MTMR10: variants seen among roughly 807,000 people sequenced by gnomAD.
MTMR10 encodes the protein myotubularin-related protein 10.
In MTMR10, 56 loss-of-function variants were observed where a neutral mutation model predicts 88.1. That is an observed-to-expected ratio of 0.64 (90% CI 0.51 to 0.79). The LOEUF is 0.79. MTMR10 is among the 30% of genes least tolerant of loss of function. MTMR10 has a pLI of 0.00. For missense variants in MTMR10, 883 were observed against 924.7 expected, an observed-to-expected ratio of 0.95 and a Z score of 0.58; for synonymous variants, 380 against 340.9, an observed-to-expected ratio of 1.11 and a Z score of -1.26.
intron 2 of MTMR10, among the ~76,000 whole-genome samples, chr15:30,978,836 TA>T (rs2030349155): frequency 6.6e-6 from 1 of 152,118 alleles, no homozygotes; most frequent in Admixed American, 6.5e-5. Context: ...TACCAAAACT[TA>T]TTAAAGTTCA....
At chr15:30,972,433 CT>C (rs1413227964) in intron 5 of MTMR10, among the ~76,000 whole-genome samples, 6 of 152,000 alleles carry the variant, frequency 3.9e-5, no homozygotes, top group Non-Finnish European at 7.4e-5. Flanking sequence ...GACTCACATG[CT>C]TTTTATATTT....
Position 30,939,463 on chromosome 15 carries a change from C to T in MTMR10, c.*2007G>A. On this transcript the variant is annotated 3_prime_UTR_variant, in exon 16 of 16. Coordinates refer to ENST00000435680, the MANE Select transcript of MTMR10 (RefSeq NM_017762.3). ...TCACCCTGGCCCGACTGAAGGCTGT[C>T]ATAGTTGTTTTTCATATTATGCACA... The T allele has an allele frequency of 2.0e-6, 2 of 985,434 alleles. No homozygotes were observed. Among genetic ancestry groups the T allele is most frequent in the African/African-American group, 3.5e-5 (2 of 57,368 alleles). 61.0% of individuals were successfully genotyped at this position (985,434 alleles called of 1,614,324 possible).
intron 2 of MTMR10, among the ~76,000 whole-genome samples, chr15:30,979,688 TAAAC>T (rs1467569490): frequency 6.6e-6 from 1 of 152,216 alleles, no homozygotes; most frequent in Non-Finnish European, 1.5e-5. Flanking sequence ...ACTAGTACCA[TAAAC>T]AAACTGTATT....
At chr15:30,976,203 C>T (rs781708112) in intron 3 of MTMR10, among the ~76,000 whole-genome samples, 3 of 151,386 alleles carry the variant, frequency 2.0e-5, no homozygotes, top group African/African-American at 4.9e-5. Context: ...AAGTTCAAGA[C>T]CAATCCGGGC....
intron 12 of MTMR10, 60 bp downstream of exon 12, chr15:30,951,908 C>T: frequency 7.2e-7 from 1 of 1,387,982 alleles, no homozygotes; most frequent in Non-Finnish European, 1.0e-6. Flanking sequence ...TGGGGACAAG[C>T]AGTAAACCAA....
At position 30,954,899 on chromosome 15, in the gene MTMR10, A is replaced by T; in HGVS notation, c.936-6T>A. On this transcript the variant is annotated splice_region_variant and splice_polypyrimidine_tract_variant and intron_variant, in intron 9 of 15. Transcript: ENST00000435680. ...TAGTTATTGCATTACAAATCCTAAT[A>T]AAGACAAAAATACTTTAGTCATTAC... 2 of 1,539,154 alleles carry T rather than the reference A, an allele frequency of 1.3e-6. No individual in the cohort carries two copies. The highest frequency in any genetic ancestry group is 1.8e-6 in the Non-Finnish European group (2 of 1,140,576).
the MTMR10 span, chr15:30,927,543 G>A: frequency 1.0e-6 from 1 of 985,702 alleles, no homozygotes; most frequent in Non-Finnish European, 1.2e-6. Flanking sequence ...GTGGCTTCCT[G>A]CCCTCTGCTC....
intron 2 of MTMR10, among the ~76,000 whole-genome samples, chr15:30,980,792 G>C (rs2949578): frequency 0.7 from 106,219 of 151,990 alleles, 38,209 homozygotes; most frequent in East Asian, 0.87. Flanking sequence ...CAAGAGCCAA[G>C]ATGAAATAAC....
At chr15:30,971,631 T>C (rs2063539186) in intron 5 of MTMR10, among the ~76,000 whole-genome samples, 1 of 152,170 alleles carries the variant, frequency 6.6e-6, no homozygotes, top group Non-Finnish European at 1.5e-5. Context: ...ACAAAAGGCA[T>C]GTATTTCACT....
At position 30,974,431 on chromosome 15, in the gene MTMR10, T is replaced by C. The variant is rs569456938; in HGVS notation, c.357A>G (p.Lys119=). The C allele has an allele frequency of 4.1e-5, 64 of 1,572,544 alleles. No individual in the cohort carries two copies. The East Asian group carries it at 1.4e-3, about 35-fold the overall frequency. ...VTVNDHKRKQ[K]VLGPNQKLKF... The stretch of plus-strand genomic sequence containing the variant: ...TCAGTTTCTGGTTGGGGCCTAGGAC[T>C]TTCTGCTTCCTCTTGTGGTCGTTTA... Residue 119 remains lysine (K), a synonymous_variant, in exon 5 of 16, where the codon AAA becomes AAG. Transcript: ENST00000435680.
At chr15:30,929,361 C>G in the MTMR10 span, 10 of 1,611,354 alleles carry the variant, frequency 6.2e-6, no homozygotes, top group East Asian at 2.0e-4. Flanking sequence ...CTTCCCTTGT[C>G]AGCTGGGATC....
intron 13 of MTMR10, 82 bp from the exon 14 acceptor site, chr15:30,947,382 T>C: frequency 6.9e-7 from 1 of 1,448,976 alleles, no homozygotes; most frequent in Non-Finnish European, 9.3e-7. Context: ...ACTGCTGATG[T>C]TAAAGAAGAG....
intron 2 of MTMR10, among the ~76,000 whole-genome samples, chr15:30,980,044 T>C (rs2030460744): frequency 6.6e-6 from 1 of 152,228 alleles, no homozygotes; most frequent in Non-Finnish European, 1.5e-5. Flanking sequence ...AGAAAAGGTT[T>C]GCTGATCCCT....
chr15:30,984,788 A>G (rs1410910926), intron 2 of MTMR10, among the ~76,000 whole-genome samples: 1 of 152,208 alleles, frequency 6.6e-6, no homozygotes, highest in Non-Finnish European at 1.5e-5. Context: ...GAAAGAACTG[A>G]GCTGACGCAC....
intron 15 of MTMR10, 126 bp downstream of exon 15, chr15:30,942,764 C>G (rs1289717259): frequency 4.2e-6 from 4 of 962,360 alleles, no homozygotes; most frequent in Non-Finnish European, 5.9e-6. Flanking sequence ...AAGGGAATGA[C>G]CCCTCAGAAA....
the MTMR10 span, chr15:30,925,976 C>G: frequency 6.2e-7 from 1 of 1,608,598 alleles, no homozygotes; most frequent in Non-Finnish European, 8.5e-7. Context: ...CACCCAGCCC[C>G]GGGTGGACGA....
At chr15:30,970,259 T>A (rs1000619905) in intron 5 of MTMR10, among the ~76,000 whole-genome samples, 2 of 152,112 alleles carry the variant, frequency 1.3e-5, no homozygotes, top group African/African-American at 4.8e-5. Context: ...TCATGAAGCT[T>A]ACATTCTAGT....
intron 7 of MTMR10, 31 bp downstream of exon 7, chr15:30,960,850 C>A (rs375428941): frequency 3.6e-4 from 549 of 1,512,070 alleles, no homozygotes; most frequent in Non-Finnish European, 4.8e-4. Flanking sequence ...TGACTTCCAG[C>A]CATATATAAC....
At chr15:30,919,707 AAAG>A in the MTMR10 span, among the ~76,000 whole-genome samples, 6 of 151,508 alleles carry the variant, frequency 4.0e-5, no homozygotes, top group Non-Finnish European at 7.4e-5. Flanking sequence ...AAAAAAAAAA[AAAG>A]AAAATCATAA....
Sources: gnomAD v4.1 joint callset for allele counts (sites outside exome capture counted in the v4.1 genomes callset) on GRCh38, gnomAD v4.1.1 for gene constraint, MANE v1.5 for transcripts, NCBI Gene and HGNC (gene_info 2026-07-23, HGNC 2026-07-21) for gene names.